TMEM245: variants seen among roughly 807,000 people sequenced by gnomAD.
TMEM245 encodes transmembrane protein 245, also known as protein CG-2.
A neutral mutation model predicts 101.2 loss-of-function variants in TMEM245; 69 were observed. The observed-to-expected ratio is 0.68, with a 90% CI of 0.56 to 0.83. The LOEUF is 0.83. Ranked by LOEUF, TMEM245 falls within the 40% of genes least tolerant of loss-of-function variation. The pLI is 0.00. For missense variants in TMEM245, 1,075 were observed against 1,092.8 expected (o/e 0.98, Z 0.23); for synonymous variants, 537 against 449.8 (o/e 1.19, Z -2.45).
At chr9:109,024,306 G>A (rs967251309) in intron 17 of TMEM245, among the ~76,000 whole-genome samples, 1 of 152,164 alleles carries the variant, frequency 6.6e-6, no homozygotes, top group African/African-American at 2.4e-5. Flanking sequence ...TTGGAATAAA[G>A]TTCTAAGGCT....
chr9:109,045,853 TTC>T lies in TMEM245; in HGVS notation c.2123+4428_2123+4429del, dbSNP rs1451861325. Among the ~76,000 whole-genome samples, 3 of 152,228 alleles carry T rather than the reference TTC, an allele frequency of 2.0e-5. No individual in the cohort carries two copies. In the East Asian group the frequency reaches 5.8e-4, roughly 29 times the overall value. Reference sequence around the variant, plus strand: ...CCAAATATGCATAAGAGATTTCTGCTTCTCTATTCCAGTGTTGGGAGAGATTT... The same window carrying T: ...CCAAATATGCATAAGAGATTTCTGCTTCTATTCCAGTGTTGGGAGAGATTT... On this transcript the variant is annotated intron_variant, in intron 14 of 17. Coordinates refer to ENST00000374586, the MANE Select transcript of TMEM245 (RefSeq NM_032012.4).
chr9:109,083,985 G>A (rs1829760686), intron 7 of TMEM245, among the ~76,000 whole-genome samples: 1 of 150,374 alleles, frequency 6.7e-6, no homozygotes, highest in South Asian at 2.1e-4. Context: ...GCTGAGGTGG[G>A]AGGATTGCTT....
intron 15 of TMEM245, 79 bp from the exon 16 acceptor site, chr9:109,036,459 C>T: frequency 3.0e-6 from 4 of 1,338,256 alleles, no homozygotes; most frequent in Non-Finnish European, 3.0e-6. Context: ...AGCAGTAGCT[C>T]CTCCTCAACA....
chr9:109,023,165 G>A (rs1827682018), intron 17 of TMEM245, among the ~76,000 whole-genome samples: 1 of 152,230 alleles, frequency 6.6e-6, no homozygotes, highest in African/African-American at 2.4e-5. Context: ...GTTACTAAGA[G>A]TCTTTCATCT....
Position 109,108,452 on chromosome 9 carries a change from C to A in TMEM245, c.697+1G>T, listed in dbSNP as rs1830485787. 1 of 1,520,056 alleles carries A rather than the reference C, an allele frequency of 6.6e-7. No homozygotes were observed. Among genetic ancestry groups the A allele is most frequent in the Non-Finnish European group, 8.9e-7 (1 of 1,128,620 alleles). The allele number at this position is 1,520,056 out of a possible 1,614,324, so 94.2% of individuals were successfully genotyped here. ...AAAAAAAAAAAAAAGAAGGAACCCA[C>A]CTAAATGAAAAAGCAATATAATCCA... On this transcript the variant is annotated splice_donor_variant, in intron 2 of 17. Coordinates refer to ENST00000374586, the MANE Select transcript of TMEM245 (RefSeq NM_032012.4). LOFTEE classifies it high-confidence loss of function.
intron 17 of TMEM245, among the ~76,000 whole-genome samples, chr9:109,032,231 T>C (rs1827965998): frequency 6.6e-6 from 1 of 152,134 alleles, no homozygotes; most frequent in African/African-American, 2.4e-5. Flanking sequence ...TAAACCAAAT[T>C]TAACATTGAT....
At chr9:109,054,661 T>C (rs1828781252) in intron 12 of TMEM245, among the ~76,000 whole-genome samples, 1 of 152,024 alleles carries the variant, frequency 6.6e-6, no homozygotes, top group Non-Finnish European at 1.5e-5. Context: ...TATAAAGGTA[T>C]GAGACTAAGA....
At chr9:109,106,772 C>G (rs1487874938) in intron 2 of TMEM245, among the ~76,000 whole-genome samples, 163 bp from the exon 3 acceptor site, 1 of 151,940 alleles carries the variant, frequency 6.6e-6, no homozygotes, top group Non-Finnish European at 1.5e-5. Context: ...AGATAAACTT[C>G]AAGATTTCTC....
At chr9:109,102,578 G>A (rs1348043880) in intron 3 of TMEM245, among the ~76,000 whole-genome samples, 1 of 152,154 alleles carries the variant, frequency 6.6e-6, no homozygotes, top group East Asian at 1.9e-4. Flanking sequence ...AGTTTAAAAT[G>A]TGGGTTACAA....
rs779134680 is a variant in TMEM245, at chr9:109,106,478, G to A, written c.799+30C>T. 4 of 1,404,954 alleles carry A rather than the reference G, an allele frequency of 2.8e-6. No homozygotes were observed. The African/African-American group carries it at 4.3e-5, about 15-fold the overall frequency. 87.0% of individuals were successfully genotyped at this position (1,404,954 alleles called of 1,614,324 possible). On this transcript the variant is annotated intron_variant, in intron 3 of 17. Transcript: ENST00000374586. ...GCTACTCTCCAAAATACTTCAAAGA[G>A]TAGTATTAATAGAATGCCCTATTTC...
At chr9:109,033,647 A>G (rs1777461240) in intron 16 of TMEM245, 146 bp from the exon 17 acceptor site, 1 of 641,040 alleles carries the variant, frequency 1.6e-6, no homozygotes, top group Non-Finnish European at 2.4e-6. Flanking sequence ...ACAACTGAAC[A>G]CTGACTGCAA....
At chr9:109,092,786 G>T (rs1412160518) in intron 4 of TMEM245, among the ~76,000 whole-genome samples, 1 of 152,158 alleles carries the variant, frequency 6.6e-6, no homozygotes, top group Non-Finnish European at 1.5e-5. Context: ...CAAGAGTACA[G>T]CATGACTCTA....
chr9:109,023,245 C>A (rs1479246956), intron 17 of TMEM245, among the ~76,000 whole-genome samples: 1 of 152,186 alleles, frequency 6.6e-6, no homozygotes, highest in Non-Finnish European at 1.5e-5. Context: ...ATCTACAGAA[C>A]TCTACTGAAG....
intron 1 of TMEM245, among the ~76,000 whole-genome samples, chr9:109,114,744 G>A (rs7035852): frequency 0.15 from 22,145 of 152,154 alleles, 1,838 homozygotes; most frequent in African/African-American, 0.2. Flanking sequence ...CAACAGAGAG[G>A]AATGGTGGAG....
chr9:109,071,231 G>C (rs183953549), intron 9 of TMEM245, among the ~76,000 whole-genome samples: 68 of 152,094 alleles, frequency 4.5e-4, no homozygotes, highest in African/African-American at 1.6e-3. Context: ...TGTATCATTA[G>C]TCCATTTTTT....
At chr9:109,070,279 A>G (rs1209770342) in intron 9 of TMEM245, among the ~76,000 whole-genome samples, 1 of 152,142 alleles carries the variant, frequency 6.6e-6, no homozygotes, top group Non-Finnish European at 1.5e-5. Flanking sequence ...TCAACAGCCT[A>G]CTGGATGCCT....
At chr9:109,033,619 T>C (rs1828032241) in intron 16 of TMEM245, 118 bp from the exon 17 acceptor site, 4 of 958,576 alleles carry the variant, frequency 4.2e-6, no homozygotes, top group Non-Finnish European at 5.9e-6. Flanking sequence ...CAGCTTTCTT[T>C]AGATCACCTC....
chr9:109,047,157 T>C (rs1283629384), intron 14 of TMEM245, among the ~76,000 whole-genome samples: 3 of 152,218 alleles, frequency 2.0e-5, no homozygotes, highest in Admixed American at 6.5e-5. Flanking sequence ...CATTAGATTA[T>C]AGTTCTGGTA....
intron 1 of TMEM245, 88 bp from the exon 2 acceptor site, chr9:109,108,658 A>C: frequency 1.1e-6 from 1 of 938,408 alleles, no homozygotes; most frequent in Non-Finnish European, 1.6e-6. Context: ...TCTATACAGC[A>C]GGAATGCTCT....
Sources: allele counts gnomAD v4.1 joint callset (sites outside exome capture counted in the v4.1 genomes callset), GRCh38; gene constraint gnomAD v4.1.1; transcripts MANE v1.5; gene names NCBI Gene and HGNC (gene_info 2026-07-23, HGNC 2026-07-21).